The following ZFAT variants were observed in gnomAD, a reference collection of about 807,000 sequenced individuals.
The protein encoded by ZFAT is zinc finger and AT-hook domain containing, also known as zinc finger protein ZFAT.
In ZFAT, 64 loss-of-function variants were observed where a neutral mutation model predicts 117.7. The observed-to-expected ratio is 0.54, with a 90% confidence interval of 0.44 to 0.67. The LOEUF is 0.67. Among genes scored for constraint, ZFAT ranks in the 30% least tolerant of loss-of-function variants. The pLI is 0.00. For synonymous variants in ZFAT, 679 were observed against 615.0 expected (o/e 1.10, Z -1.54); for missense variants, 1,433 against 1,584.5 (o/e 0.90, Z 1.62).
At chr8:134,798,074 C>A in the ZFAT span, 1 of 151,780 alleles carries the variant, frequency 6.6e-6, no homozygotes, top group Non-Finnish European at 1.5e-5. Context: ...CCCATCTTGA[C>A]TGACATTTTT....
intron 12 of ZFAT, among the ~76,000 whole-genome samples, chr8:134,522,595 T>A (rs972256367): frequency 3.3e-5 from 5 of 152,158 alleles, no homozygotes; most frequent in African/African-American, 1.2e-4. Context: ...AACTTACAAC[T>A]TTTATTGGCA....
At chr8:134,730,497 C>T in the ZFAT span, among the ~76,000 whole-genome samples, 2 of 152,160 alleles carry the variant, frequency 1.3e-5, no homozygotes, top group Non-Finnish European at 2.9e-5. Context: ...TAGGGCAGCA[C>T]GTGGAACATC....
intron 12 of ZFAT, among the ~76,000 whole-genome samples, chr8:134,529,139 C>G (rs183204618): frequency 1.3e-5 from 2 of 152,116 alleles, no homozygotes; most frequent in Non-Finnish European, 2.9e-5. Context: ...TCAAAAATCC[C>G]GGCCCAGGTC....
chr8:134,573,248 G>A (rs1327214828), intron 10 of ZFAT, among the ~76,000 whole-genome samples: 1 of 152,064 alleles, frequency 6.6e-6, no homozygotes, highest in African/African-American at 2.4e-5. Flanking sequence ...GTGTATGTGT[G>A]CATGTGTGTG....
At chr8:134,701,957 C>A (rs1487983255) in intron 1 of ZFAT, among the ~76,000 whole-genome samples, 3 of 152,186 alleles carry the variant, frequency 2.0e-5, no homozygotes, top group Non-Finnish European at 2.9e-5. Context: ...GCTCTGCTCT[C>A]ATGAATGAAT....
chr8:134,480,662 G>A (rs1273216013), intron 15 of ZFAT, among the ~76,000 whole-genome samples: 1 of 152,218 alleles, frequency 6.6e-6, no homozygotes, highest in Non-Finnish European at 1.5e-5. Context: ...CATAGGGACT[G>A]GGGAGCCATG....
the ZFAT span, among the ~76,000 whole-genome samples, chr8:134,826,581 G>T: frequency 2.6e-5 from 4 of 152,060 alleles, no homozygotes; most frequent in East Asian, 7.7e-4. Flanking sequence ...CAGAGAAACA[G>T]ATTTGTTTTT....
the ZFAT span, chr8:134,794,096 T>C: frequency 6.6e-6 from 1 of 152,256 alleles, no homozygotes; most frequent in Non-Finnish European, 1.5e-5. Context: ...TCTTCCTGGT[T>C]TTGCCTTTAA....
At chr8:134,544,402 C>T (rs972150410) in intron 11 of ZFAT, among the ~76,000 whole-genome samples, 4 of 151,870 alleles carry the variant, frequency 2.6e-5, no homozygotes, top group Non-Finnish European at 5.9e-5. Context: ...AGCAAACCCT[C>T]CTAACAACAA....
the ZFAT span, among the ~76,000 whole-genome samples, chr8:134,832,104 G>A: frequency 1.4e-5 from 2 of 137,956 alleles, no homozygotes; most frequent in South Asian, 4.8e-4. Context: ...GAGAGGGCGC[G>A]GGGACGCGCC....
At chr8:134,829,411 C>CT in the ZFAT span, among the ~76,000 whole-genome samples, 3 of 152,204 alleles carry the variant, frequency 2.0e-5, no homozygotes, top group East Asian at 5.8e-4. Flanking sequence ...TTTTCCCACT[C>CT]AGTTAAACCA....
the ZFAT span, among the ~76,000 whole-genome samples, chr8:134,773,077 G>C: frequency 9.5e-6 from 1 of 105,272 alleles, no homozygotes; most frequent in Non-Finnish European, 1.9e-5. Context: ...CTGGGTAACA[G>C]AGCAAAATCC....
At chr8:134,528,455 C>T (rs1237725845) in intron 12 of ZFAT, among the ~76,000 whole-genome samples, 1 of 152,182 alleles carries the variant, frequency 6.6e-6, no homozygotes, top group Non-Finnish European at 1.5e-5. Context: ...CTGTGGGTTA[C>T]CTCACAGTTT....
chr8:134,496,933 G>A (rs189926241), intron 15 of ZFAT, among the ~76,000 whole-genome samples: 7 of 152,334 alleles, frequency 4.6e-5, no homozygotes, highest in Admixed American at 2.0e-4. Flanking sequence ...CTGACCACCG[G>A]GTCTAACCTG....
Position 134,672,945 on chromosome 8 carries a change from A to G in ZFAT, c.20-15208T>C, listed in dbSNP as rs149000325. Among the ~76,000 whole-genome samples the G allele has an allele frequency of 3.7e-3, 565 of 152,338 alleles. 8 individuals carry two copies. Among genetic ancestry groups the G allele is most frequent in the African/African-American group, 0.013 (531 of 41,578 alleles). On this transcript the variant is annotated intron_variant, in intron 1 of 15. Transcript: ENST00000377838. The stretch of plus-strand genomic sequence containing the variant: ...TCTTAGAACATCAAAAAGAAAGAAG[A>G]AGGGAAAGTATAAAAATATGGGTAA...
chr8:134,733,996 T>A, the ZFAT span, among the ~76,000 whole-genome samples: 1 of 152,212 alleles, frequency 6.6e-6, no homozygotes, highest in East Asian at 1.9e-4. Context: ...GAAAATGAGA[T>A]CCCTGGATGA....
chr8:134,591,408 T>C (rs1034138470), intron 7 of ZFAT, among the ~76,000 whole-genome samples: 1 of 152,216 alleles, frequency 6.6e-6, no homozygotes, highest in African/African-American at 2.4e-5. Context: ...ACATTCTCAA[T>C]TAGGAAGAAG....
the ZFAT span, among the ~76,000 whole-genome samples, chr8:134,787,600 C>T: frequency 1.3e-5 from 2 of 152,286 alleles, no homozygotes. Context: ...TTTATAATCA[C>T]AGGTCTTATG....
At chr8:134,737,082 A>G in the ZFAT span, among the ~76,000 whole-genome samples, 1 of 152,092 alleles carries the variant, frequency 6.6e-6, no homozygotes, top group Non-Finnish European at 1.5e-5. Context: ...GGTGTTCGAG[A>G]CCAGTCTGAC....
Sources: gnomAD v4.1 joint callset for allele counts (sites outside exome capture counted in the v4.1 genomes callset) on GRCh38, gnomAD v4.1.1 for gene constraint, MANE v1.5 for transcripts, NCBI Gene and HGNC (gene_info 2026-07-23, HGNC 2026-07-21) for gene names.